Variants in GRB7 observed in about 807,000 individuals in gnomAD.
GRB7 encodes growth factor receptor bound protein 7.
A neutral mutation model predicts 64.1 loss-of-function variants in GRB7; 47 were observed. That is an observed-to-expected ratio of 0.73 (90% confidence interval 0.58 to 0.94). GRB7 has a LOEUF of 0.94. GRB7 is among the 40% of genes least tolerant of loss of function. The probability of loss-of-function intolerance (pLI) is 0.00; values close to 1 mark genes in which losing one functional copy is unlikely to be tolerated. For synonymous variants in GRB7, 277 were observed against 279.9 expected, an observed-to-expected ratio of 0.99 and a Z score of 0.10; for missense variants, 634 against 718.4, an observed-to-expected ratio of 0.88 and a Z score of 1.34.
In GRB7 at chr17:39,742,144, T is replaced by C. The variant is rs2059999802; in HGVS notation, c.-50-108T>C. ...GCTCATTCTGTCCTTCCCCAAGGGCTTCAGGGAAACTCCAGTTAGAGCAGT... is the reference window on the plus strand; with the variant it reads ...GCTCATTCTGTCCTTCCCCAAGGGCCTCAGGGAAACTCCAGTTAGAGCAGT... On this transcript the variant is annotated intron_variant, in intron 1 of 14. Coordinates refer to ENST00000309156, the MANE Select transcript of GRB7 (RefSeq NM_005310.5). 5.3e-6 allele frequency: 4 copies of C among 759,702 alleles called. No homozygotes were observed. The African/African-American group carries it at 6.8e-5, about 13-fold the overall frequency. The allele number at this position is 759,702 out of a possible 1,614,324, so 47.1% of individuals were successfully genotyped here. A position where few individuals can be genotyped will look rare whatever the true frequency, so the allele number is the denominator to read the frequency against.
intron 8 of GRB7, 72 bp downstream of exon 8, chr17:39,744,735 G>T: frequency 7.1e-7 from 1 of 1,412,172 alleles, no homozygotes. Context: ...ATCCTGCCCG[G>T]GGCTTCTGAG....
Position 39,742,620 on chromosome 17 carries a change from C to T in GRB7, c.210C>T (p.Pro70=). ...CCTCCCTCCCCTCTATCCCCAACCC[C>T]TTCCCTGAGCTCTGCAGTCCTCCCT... ...RATSLPSIPN[P]FPELCSPPSQ... Residue 70 remains proline, a synonymous_variant, in exon 3 of 15, where the codon CCC becomes CCT. Transcript: ENST00000309156. The T allele has an allele frequency of 1.2e-6, 2 of 1,613,626 alleles. No individual in the cohort carries two copies. Among genetic ancestry groups the T allele is most frequent in the South Asian group, 2.2e-5 (2 of 90,986 alleles).
At chr17:39,745,115 T>G in intron 9 of GRB7, 128 bp from the exon 10 acceptor site, 1 of 1,086,234 alleles carries the variant, frequency 9.2e-7, no homozygotes, top group South Asian at 1.4e-5. Context: ...AAGCCTGAAG[T>G]TATAGGAAGT....
intron 6 of GRB7, among the ~76,000 whole-genome samples, chr17:39,743,819 CAAAAAAAA>C (rs35101034): frequency 9.6e-5 from 4 of 41,676 alleles, no homozygotes; most frequent in Admixed American, 3.3e-4. Flanking sequence ...CTCGTCTCTC[CAAAAAAAA>C]AAAAAAAAAA....
intron 8 of GRB7, 93 bp from the exon 9 acceptor site, chr17:39,744,793 G>A: frequency 1.5e-6 from 2 of 1,346,400 alleles, no homozygotes; most frequent in Middle Eastern, 1.8e-4. Context: ...TGGCCTGCTG[G>A]AAACTCCTGG....
At position 39,746,875 on chromosome 17, in the gene GRB7, G is replaced by A. The variant is rs199985530; in HGVS notation, c.1577G>A (p.Cys526Tyr). Residue 526 changes from cysteine (C) to tyrosine (Y), a missense_variant, in exon 15 of 15, where the codon TGC (cysteine) becomes TAC (tyrosine). Cys to Tyr is a radical substitution (Grantham distance 194, BLOSUM62 -2). This residue lies in a region of GRB7 where 467 missense variants were observed against 576.6 expected (regional missense o/e 0.81). Coordinates refer to ENST00000309156, the MANE Select transcript of GRB7 (RefSeq NM_005310.5). ...ATCCTGCCGTGCTTGCTGCGCCATT[G>A]CTGCACGCGGGTGGCCCTCTGACCA... The part of the protein sequence containing the change: ...RGILPCLLRH[C>Y]CTRVAL 6.2e-6 allele frequency: 10 copies of A among 1,610,948 alleles called. No individual in the cohort carries two copies. The highest frequency in any genetic ancestry group is 5.5e-5 in the South Asian group (5 of 91,074).
chr17:39,743,062 AGGTGCAT>A lies in GRB7; in HGVS notation c.463+11_463+17del, dbSNP rs768179989. On this transcript the variant is annotated intron_variant, in intron 4 of 14. Transcript: ENST00000309156. ...ACCCCCACCTAGCACTGGGTAAGTC[AGGTGCAT>A]GGAACTATCCGGGCTGGGAGATGAT... The A allele has an allele frequency of 6.9e-6, 11 of 1,600,452 alleles. No homozygotes were observed. In the African/African-American group the frequency reaches 1.3e-4, roughly 19 times the overall value.
chr17:39,740,255 G>C, intron 1 of GRB7: 3 of 771,062 alleles, frequency 3.9e-6, no homozygotes, highest in Non-Finnish European at 4.7e-6. Flanking sequence ...CGGGTGATGG[G>C]TGTGTCGTGC....
chr17:39,741,695 A>G (rs2143398222), intron 1 of GRB7, among the ~76,000 whole-genome samples: 1 of 152,278 alleles, frequency 6.6e-6, no homozygotes, highest in East Asian at 1.9e-4. Context: ...GTGGACCCTC[A>G]GCTCTTCCTG....
rs1176056234 is a variant in GRB7 at position 39,741,020 on chromosome 17, C to T, written c.-50-1232C>T. Among the ~76,000 whole-genome samples, 4 of 152,206 alleles carry T rather than the reference C, an allele frequency of 2.6e-5. No homozygotes were observed. The East Asian group carries it at 7.7e-4, about 29-fold the overall frequency. ...GCCAAAGGGGTCTGCTGGGTTCCTG[C>T]GGAGAAGGTGCCAGCCCCACCTCCA... On this transcript the variant is annotated intron_variant, in intron 1 of 14. Transcript: ENST00000309156.
At chr17:39,743,530 TC>T in intron 6 of GRB7, 60 bp downstream of exon 6, 1 of 1,359,672 alleles carries the variant, frequency 7.4e-7, no homozygotes, top group Non-Finnish European at 1.1e-6. Context: ...CCAGTGCTTC[TC>T]CACCCTTAAG....
chr17:39,738,558 C>T (rs2059970206), intron 1 of GRB7: 1 of 193,664 alleles, frequency 5.2e-6, no homozygotes, highest in Admixed American at 6.1e-5. Context: ...TTTTCGTCCC[C>T]ATCCTGGTTT....
At chr17:39,743,136 C>G in intron 4 of GRB7, 44 bp from the exon 5 acceptor site, 1 of 1,607,854 alleles carries the variant, frequency 6.2e-7, no homozygotes, top group Non-Finnish European at 8.5e-7. Context: ...TCCAGGAGAT[C>G]TGGTTGATCT....
intron 6 of GRB7, 44 bp downstream of exon 6, chr17:39,743,514 C>A: frequency 1.3e-6 from 2 of 1,486,976 alleles, no homozygotes; most frequent in Non-Finnish European, 1.9e-6. Context: ...GACTCCCCAG[C>A]ATTGGCCAGT....
Position 39,742,347 on chromosome 17 carries a change from G to A in GRB7, c.46G>A (p.Asp16Asn). The A allele has an allele frequency of 6.2e-7, 1 of 1,614,100 alleles. No homozygotes were observed. Among genetic ancestry groups the A allele is most frequent in the East Asian group, 2.2e-5 (1 of 44,882 alleles). ...SPPHLSSSPE[D>N]LCPAPGTPPG... ...ACCTCATCTTAGCAGCTCTCCGGAA[G>A]ACCTTTGCCCAGCCCCTGGGACCCC... The change falls in exon 2 of 15, where the codon GAC (aspartate) becomes AAC (asparagine). Residue 16 changes from aspartate (D) to asparagine (N), a missense_variant. Transcript: ENST00000309156.
chr17:39,738,316 G>GA (rs1194632066), intron 1 of GRB7, 183 bp downstream of exon 1: 1 of 152,308 alleles, frequency 6.6e-6, no homozygotes, highest in Non-Finnish European at 1.5e-5. Flanking sequence ...GCTGGAGGGG[G>GA]ACAGGTAGTT....
Position 39,746,017 on chromosome 17 carries a change from G to A in GRB7, c.1358+17G>A. On this transcript the variant is annotated intron_variant, in intron 13 of 14. Coordinates refer to ENST00000309156, the MANE Select transcript of GRB7 (RefSeq NM_005310.5). ...GGTAGACGGGTAAGGGGCAGGGCCG[G>A]GCAACAGACCCAGGGATAAGAGAGA... 6.2e-7 allele frequency: 1 copy of A among 1,613,850 alleles called. No individual in the cohort carries two copies. The highest frequency in any genetic ancestry group is 1.1e-5 in the South Asian group (1 of 91,078).
intron 1 of GRB7, among the ~76,000 whole-genome samples, chr17:39,741,058 G>A (rs559316967): frequency 5.9e-5 from 9 of 152,276 alleles, no homozygotes; most frequent in African/African-American, 1.7e-4. Context: ...TCTAGTGCTC[G>A]TCTTTGCCTG....
intron 9 of GRB7, 23 bp from the exon 10 acceptor site, chr17:39,745,220 T>G: frequency 1.9e-6 from 3 of 1,567,558 alleles, no homozygotes; most frequent in Non-Finnish European, 1.7e-6. Context: ...GACCTCAAGC[T>G]CTCTTTCTCT....
Sources: allele counts gnomAD v4.1 joint callset (sites outside exome capture counted in the v4.1 genomes callset), GRCh38; gene constraint gnomAD v4.1.1; regional missense constraint gnomAD v4.1.1; transcripts MANE v1.5; gene names NCBI Gene and HGNC (gene_info 2026-07-23, HGNC 2026-07-21).